The following ZNF532 variants were observed in gnomAD, a reference collection of about 807,000 sequenced individuals.
The protein encoded by ZNF532 is zinc finger protein 532.
ZNF532 carries 22 observed loss-of-function variants against 89.3 expected under a neutral mutation model. That is an observed-to-expected ratio of 0.25 (90% CI 0.18 to 0.35). The LOEUF (loss-of-function observed/expected upper bound fraction) is 0.35, where lower values mean the gene tolerates loss of function less well. ZNF532 is among the 10% of genes least tolerant of loss of function. The pLI is 1.00. For missense variants in ZNF532, 1,132 were observed against 1,643.4 expected, an observed-to-expected ratio of 0.69 and a Z score of 5.38; for synonymous variants, 606 against 649.6, an observed-to-expected ratio of 0.93 and a Z score of 1.02.
At chr18:58,973,332 G>A (rs764918523) in intron 7 of ZNF532, among the ~76,000 whole-genome samples, 64 of 152,164 alleles carry the variant, frequency 4.2e-4, no homozygotes, top group Admixed American at 2.6e-4. Context: ...TGAACTCCTG[G>A]CCTCAAGTGG....
intron 6 of ZNF532, among the ~76,000 whole-genome samples, chr18:58,952,497 T>C (rs1341996265): frequency 6.6e-6 from 1 of 152,174 alleles, no homozygotes; most frequent in South Asian, 2.1e-4. Context: ...CTTGAACTCC[T>C]GGGCTCAAGC....
intron 2 of ZNF532, among the ~76,000 whole-genome samples, chr18:58,885,846 CAAAAA>C (rs79673674): frequency 3.7e-5 from 5 of 135,216 alleles, no homozygotes; most frequent in Non-Finnish European, 7.9e-5. Flanking sequence ...GACAATGTCT[CAAAAA>C]AAAAAAAAAG....
chr18:58,874,407 C>T (rs930647123), intron 2 of ZNF532, among the ~76,000 whole-genome samples: 1 of 152,162 alleles, frequency 6.6e-6, no homozygotes, highest in Non-Finnish European at 1.5e-5. Context: ...TGCAATGGCG[C>T]GATCTCGCCT....
chr18:58,889,937 C>T (rs1401188974), intron 2 of ZNF532, among the ~76,000 whole-genome samples: 2 of 151,756 alleles, frequency 1.3e-5, no homozygotes, highest in African/African-American at 4.8e-5. Context: ...AAAAATTAGC[C>T]AGGTGTGGTG....
chr18:58,915,697 A>G lies in ZNF532; in HGVS notation c.-17-2574A>G, dbSNP rs150863059. ...AGCAGAAAAAGGTGAGAAGAGCCATATTAACCTTCCCAGGGTTCATAAGAA... is the reference window on the plus strand; with the variant it reads ...AGCAGAAAAAGGTGAGAAGAGCCATGTTAACCTTCCCAGGGTTCATAAGAA... On this transcript the variant is annotated intron_variant, in intron 2 of 9. Coordinates refer to ENST00000591808, the MANE Select transcript of ZNF532 (RefSeq NM_001375912.1). Among the ~76,000 whole-genome samples the G allele has an allele frequency of 4.6e-5, 7 of 152,346 alleles. No homozygotes were observed. The East Asian group carries it at 1.2e-3, about 25-fold the overall frequency.
intron 5 of ZNF532, among the ~76,000 whole-genome samples, chr18:58,945,327 T>C (rs969822516): frequency 6.6e-6 from 1 of 152,176 alleles, no homozygotes; most frequent in Non-Finnish European, 1.5e-5. Flanking sequence ...AAAGGATCAC[T>C]CTGGGGGCAA....
At chr18:58,884,554 A>T (rs1056321091) in intron 2 of ZNF532, among the ~76,000 whole-genome samples, 10 of 152,200 alleles carry the variant, frequency 6.6e-5, no homozygotes, top group Non-Finnish European at 1.3e-4. Flanking sequence ...CTTTTTCTAT[A>T]CTCAAAACAT....
At chr18:58,890,232 AAT>A (rs984305784) in intron 2 of ZNF532, among the ~76,000 whole-genome samples, 2 of 151,158 alleles carry the variant, frequency 1.3e-5, no homozygotes, top group Non-Finnish European at 3.0e-5. Context: ...GGGGAGGAAA[AAT>A]ATATATATAT....
At chr18:58,968,031 T>A (rs2066102287) in intron 7 of ZNF532, among the ~76,000 whole-genome samples, 1 of 152,188 alleles carries the variant, frequency 6.6e-6, no homozygotes, top group African/African-American at 2.4e-5. Flanking sequence ...CAATAATGGG[T>A]TAGAACATGG....
In ZNF532 at chr18:58,919,706, C is replaced by T. The variant is rs1425507779; in HGVS notation, c.1419C>T (p.Asn473=). 1.1e-5 allele frequency: 18 copies of T among 1,613,820 alleles called. No homozygotes were observed. The highest frequency in any genetic ancestry group is 1.5e-5 in the Non-Finnish European group (18 of 1,179,952). The part of the protein sequence containing the change: ...SQVINLKLAN[N]TTVKATVISA... The stretch of plus-strand genomic sequence containing the variant: ...TCATTAATTTGAAGCTCGCTAACAA[C>T]ACCACGGTGAAAGCCACGGTCATAT... Residue 473 remains asparagine (N), a synonymous_variant, in exon 3 of 10, where the codon AAC becomes AAT. Coordinates refer to ENST00000591808, the MANE Select transcript of ZNF532 (RefSeq NM_001375912.1). The surrounding 1 kb of genome is among the most constrained non-coding windows in gnomAD (Gnocchi z 6.1).
chr18:58,895,706 A>G (rs1243262180), intron 2 of ZNF532, among the ~76,000 whole-genome samples: 2 of 152,120 alleles, frequency 1.3e-5, no homozygotes, highest in Admixed American at 1.3e-4. Context: ...AAGGCTAAAA[A>G]TCGGGGCTCC....
chr18:58,894,187 G>A (rs1205429863), intron 2 of ZNF532, among the ~76,000 whole-genome samples: 3 of 152,100 alleles, frequency 2.0e-5, no homozygotes, highest in East Asian at 1.9e-4. Context: ...CTTTCCGGCC[G>A]GGCGTGGTGG....
chr18:58,895,363 G>C (rs563844862), intron 2 of ZNF532, among the ~76,000 whole-genome samples: 1 of 152,358 alleles, frequency 6.6e-6, no homozygotes, highest in Non-Finnish European at 1.5e-5. Flanking sequence ...AGATAGATTT[G>C]ATAAGTATTT....
Position 58,954,212 on chromosome 18 carries a change from G to A in ZNF532, c.3150+413G>A, listed in dbSNP as rs368296408. On this transcript the variant is annotated intron_variant, in intron 7 of 9. Coordinates refer to ENST00000591808, the MANE Select transcript of ZNF532 (RefSeq NM_001375912.1). ...CCAGTAGCATTTGTGTGACTTACAT[G>A]ATTCTTCCTTGAGTTTGGTAGTGGG... 2,686 of 990,102 alleles carry A rather than the reference G, an allele frequency of 2.7e-3. 162 individuals carry two copies. In the South Asian group the frequency reaches 0.11, roughly 41 times the overall value. 61.3% of individuals were successfully genotyped at this position (990,102 alleles called of 1,614,324 possible).
chr18:58,868,175 G>C (rs2056649081), intron 2 of ZNF532, among the ~76,000 whole-genome samples: 1 of 152,168 alleles, frequency 6.6e-6, no homozygotes, highest in African/African-American at 2.4e-5. Context: ...CAACACAAGG[G>C]AAACTGACTC....
intron 4 of ZNF532, among the ~76,000 whole-genome samples, chr18:58,939,145 G>A (rs1190113835): frequency 6.7e-6 from 1 of 150,066 alleles, no homozygotes; most frequent in Non-Finnish European, 1.5e-5. Context: ...TACTTGGGAG[G>A]CTGAGGCACG....
At chr18:58,865,601 A>G (rs1207336242) in intron 2 of ZNF532, 22 bp downstream of exon 2, 3 of 152,974 alleles carry the variant, frequency 2.0e-5, no homozygotes, top group Non-Finnish European at 4.4e-5. Context: ...TGTTTTGAGC[A>G]TGAATTTAAA....
chr18:58,974,396 C>T (rs146029877), intron 7 of ZNF532, among the ~76,000 whole-genome samples: 8 of 152,192 alleles, frequency 5.3e-5, no homozygotes, highest in Admixed American at 3.3e-4. Flanking sequence ...ATTTCTGTAG[C>T]GGCACGGCAT....
intron 3 of ZNF532, among the ~76,000 whole-genome samples, chr18:58,930,348 C>G (rs368030872): frequency 6.6e-6 from 1 of 152,076 alleles, no homozygotes; most frequent in Non-Finnish European, 1.5e-5. Context: ...GTAAGAGTAC[C>G]GGGCGCAGTG....
Sources: allele counts gnomAD v4.1 joint callset (sites outside exome capture counted in the v4.1 genomes callset), GRCh38; gene constraint gnomAD v4.1.1; non-coding constraint Gnocchi (gnomAD v3.1); transcripts MANE v1.5; gene names NCBI Gene and HGNC (gene_info 2026-07-23, HGNC 2026-07-21).